IL21R: variants seen among roughly 807,000 people sequenced by gnomAD.
The protein encoded by IL21R is interleukin-21 receptor.
IL21R carries 14 observed loss-of-function variants against 41.3 expected under a neutral mutation model. That is an observed-to-expected ratio of 0.34 (90% confidence interval 0.22 to 0.53). The LOEUF (loss-of-function observed/expected upper bound fraction) is 0.53, where lower values mean the gene tolerates loss of function less well. Among genes scored for constraint, IL21R ranks in the 20% least tolerant of loss-of-function variants. The pLI is 0.94. For missense variants in IL21R, 588 were observed against 681.6 expected, an observed-to-expected ratio of 0.86 and a Z score of 1.53; for synonymous variants, 286 against 287.6, an observed-to-expected ratio of 0.99 and a Z score of 0.05.
intron 2 of IL21R, among the ~76,000 whole-genome samples, chr16:27,430,470 T>C (rs2087152268): frequency 6.6e-6 from 1 of 152,218 alleles, no homozygotes; most frequent in Non-Finnish European, 1.5e-5. Flanking sequence ...AGTTCTGCCT[T>C]CCATCTAACC....
chr16:27,434,870 C>T (rs1182556906), intron 3 of IL21R, among the ~76,000 whole-genome samples: 3 of 152,204 alleles, frequency 2.0e-5, no homozygotes, highest in East Asian at 1.9e-4. Context: ...GATTCAAATT[C>T]AGACCGCCCA....
intron 8 of IL21R, chr16:27,448,300 C>T (rs1231783066): frequency 1.2e-5 from 6 of 508,018 alleles, no homozygotes; most frequent in Non-Finnish European, 2.1e-5. Context: ...ACTAAAAATA[C>T]AAAAATTAGC....
intron 1 of IL21R, 98 bp from the exon 2 acceptor site, chr16:27,429,958 A>C (rs1175272203): frequency 9.8e-7 from 1 of 1,021,650 alleles, no homozygotes; most frequent in East Asian, 2.6e-5. Flanking sequence ...CAGTTCCAAG[A>C]ATCAGGGGCA....
intron 1 of IL21R, among the ~76,000 whole-genome samples, chr16:27,413,093 G>C (rs2086845060): frequency 6.6e-6 from 1 of 151,928 alleles, no homozygotes; most frequent in South Asian, 2.1e-4. Flanking sequence ...TATTCACTGT[G>C]GGCTTTTTAT....
chr16:27,428,496 T>C (rs1405308778), intron 1 of IL21R, among the ~76,000 whole-genome samples: 1 of 152,260 alleles, frequency 6.6e-6, no homozygotes, highest in Admixed American at 6.5e-5. Flanking sequence ...CCCTCTTAGG[T>C]TTAGCTTTAG....
chr16:27,443,591 A>C (rs1411190627), intron 5 of IL21R, among the ~76,000 whole-genome samples: 1 of 152,104 alleles, frequency 6.6e-6, no homozygotes, highest in Non-Finnish European at 1.5e-5. Context: ...GAGACCAGCC[A>C]GGGCAACATG....
rs182617729 is a variant in IL21R at position 27,434,050 on chromosome 16, G to A, written c.50-297G>A. On this transcript the variant is annotated intron_variant, in intron 2 of 8. Coordinates refer to ENST00000337929, the MANE Select transcript of IL21R (RefSeq NM_181078.3). ...AGGGACACAGACCTGGTGGCCGGGC[G>A]CAGGGCTCTGGAGGAGGGTGCTGAG... 3.7e-3 allele frequency among the ~76,000 whole-genome samples: 568 copies of A among 152,266 alleles called. 4 individuals are homozygous for A. The highest frequency in any genetic ancestry group is 5.5e-3 in the Admixed American group (84 of 15,298).
At chr16:27,410,264 C>A (rs553637620) in intron 1 of IL21R, among the ~76,000 whole-genome samples, 4 of 150,574 alleles carry the variant, frequency 2.7e-5, no homozygotes, top group Admixed American at 6.6e-5. Flanking sequence ...ACCCAGGAGG[C>A]GGAGGTTGCA....
chr16:27,404,651 G>A (rs994076858), intron 1 of IL21R, among the ~76,000 whole-genome samples: 1 of 152,176 alleles, frequency 6.6e-6, no homozygotes, highest in African/African-American at 2.4e-5. Flanking sequence ...ACACAACTAG[G>A]AAGGGGTGCC....
intron 1 of IL21R, among the ~76,000 whole-genome samples, chr16:27,410,555 C>A (rs179770): frequency 0.1 from 15,658 of 152,188 alleles, 932 homozygotes; most frequent in East Asian, 0.17. Context: ...TTCAACTGAC[C>A]ACCAGTTGAG....
In IL21R at chr16:27,450,446, C is replaced by A. The variant is rs2087573286; in HGVS notation, c.*1163C>A. 4.3e-6 allele frequency: 1 copy of A among 231,446 alleles called. No individual in the cohort carries two copies. Among genetic ancestry groups the A allele is most frequent in the East Asian group, 6.1e-5 (1 of 16,368 alleles). The allele number at this position is 231,446 out of a possible 1,614,324, so 14.3% of individuals were successfully genotyped here. A position where few individuals can be genotyped will look rare whatever the true frequency, so the allele number is the denominator to read the frequency against. On this transcript the variant is annotated 3_prime_UTR_variant, in exon 9 of 9. Transcript: ENST00000337929. ...CCTACCCTGCCCCAATTCAATCCTG[C>A]CAATAAATCCTGTCTTATTTGTTCA... is the stretch of plus-strand genomic sequence containing the variant.
At chr16:27,445,847 T>G (rs989531994) in intron 7 of IL21R, among the ~76,000 whole-genome samples, 160 bp from the exon 8 acceptor site, 6 of 152,182 alleles carry the variant, frequency 3.9e-5, no homozygotes, top group African/African-American at 1.4e-4. Context: ...TCTCCCATTT[T>G]ACAGAAGGGG....
intron 1 of IL21R, among the ~76,000 whole-genome samples, chr16:27,420,250 T>C (rs1166113267): frequency 6.6e-6 from 1 of 152,194 alleles, no homozygotes; most frequent in Admixed American, 6.5e-5. Context: ...ACCAGCATCA[T>C]CACAAGCCCA....
intron 3 of IL21R, among the ~76,000 whole-genome samples, chr16:27,435,072 G>A (rs750638297): frequency 6.6e-6 from 1 of 152,110 alleles, no homozygotes; most frequent in Non-Finnish European, 1.5e-5. Context: ...AGACCAGCCT[G>A]GGCAACATCA....
intron 2 of IL21R, 33 bp downstream of exon 2, chr16:27,430,153 AG>A: frequency 6.3e-7 from 1 of 1,588,688 alleles, no homozygotes; most frequent in South Asian, 1.1e-5. Context: ...GCGGGTGGGG[AG>A]GGCCCCCATC....
At chr16:27,441,636 T>G (rs1331123337) in intron 4 of IL21R, among the ~76,000 whole-genome samples, 1 of 152,204 alleles carries the variant, frequency 6.6e-6, no homozygotes, top group Admixed American at 6.5e-5. Context: ...AATGATACCA[T>G]CATTTAGAAC....
rs1308625597 is a variant in IL21R, at chr16:27,451,667, TG to T, written c.*2385del. The stretch of plus-strand genomic sequence containing the variant: ...CCAGGAATTTGAGGCTGCAGTGAGC[TG>T]TGATTACACCGTTGCACTCCAGCCT... On this transcript the variant is annotated 3_prime_UTR_variant, in exon 9 of 9. Coordinates refer to ENST00000337929, the MANE Select transcript of IL21R (RefSeq NM_181078.3). The T allele has an allele frequency of 9.0e-6, 2 of 223,398 alleles. No individual in the cohort carries two copies. Among genetic ancestry groups the T allele is most frequent in the African/African-American group, 4.5e-5 (2 of 44,764 alleles). The allele number at this position is 223,398 out of a possible 1,614,324, so 13.8% of individuals were successfully genotyped here. A position where few individuals can be genotyped will look rare whatever the true frequency, so the allele number is the denominator to read the frequency against.
chr16:27,444,593 C>T lies in IL21R; in HGVS notation c.559C>T (p.Pro187Ser). ...GGACTCAAGAAGTGTCTCCCTCCTC[C>T]CCCTGGAGTTCCGCAAAGACTCGAG... ...SVDSRSVSLL[P>S]LEFRKDSSYE... The change falls in exon 6 of 9, where the codon CCC becomes TCC. Residue 187 changes from proline to serine, a missense_variant. Pro to Ser is a moderately conservative substitution (Grantham distance 74). Transcript: ENST00000337929. 6.3e-7 allele frequency: 1 copy of T among 1,576,796 alleles called. No individual in the cohort carries two copies. Among genetic ancestry groups the T allele is most frequent in the Non-Finnish European group, 8.6e-7 (1 of 1,162,136 alleles).
rs891882569 is a variant in IL21R, at chr16:27,449,486, C to G, written c.*203C>G. The G allele has an allele frequency of 3.3e-6, 2 of 600,516 alleles. No individual in the cohort carries two copies. 37.2% of individuals were successfully genotyped at this position (600,516 alleles called of 1,614,324 possible). On this transcript the variant is annotated 3_prime_UTR_variant, in exon 9 of 9. Coordinates refer to ENST00000337929, the MANE Select transcript of IL21R (RefSeq NM_181078.3). ...TGTGTGTGTGTGTGTGTCTTAGGTG[C>G]GCAGTGGCATGTCCACGTGTGTGTG...
Sources: gnomAD v4.1 joint callset for allele counts (sites outside exome capture counted in the v4.1 genomes callset) on GRCh38, gnomAD v4.1.1 for gene constraint, MANE v1.5 for transcripts, NCBI Gene and HGNC (gene_info 2026-07-23, HGNC 2026-07-21) for gene names.